Variants in PER2 observed in about 807,000 individuals in gnomAD.
PER2 encodes the protein period circadian regulator 2.
PER2 carries 66 observed loss-of-function variants against 121.0 expected under a neutral mutation model. The ratio of observed to expected loss-of-function variants is 0.55; its 90% CI spans 0.45 to 0.67. The LOEUF (loss-of-function observed/expected upper bound fraction) is 0.67. Among genes scored for constraint, PER2 ranks in the 30% least tolerant of loss-of-function variants. The pLI, the probability that PER2 is intolerant of heterozygous loss-of-function variation, is 0.00. For missense variants in PER2, 1,521 were observed against 1,635.0 expected (o/e 0.93, Z 1.20); for synonymous variants, 684 against 659.9 (o/e 1.04, Z -0.56).
chr2:238,255,620 T>C, intron 18 of PER2, 37 bp downstream of exon 18: 2 of 1,611,500 alleles, frequency 1.2e-6, no homozygotes, highest in South Asian at 2.2e-5. Context: ...AGGAATAAAG[T>C]TTTTTAAAAC....
At chr2:238,251,829 G>C (rs572549151) in intron 19 of PER2, 68 bp from the exon 20 acceptor site, 1 of 1,001,130 alleles carries the variant, frequency 1.0e-6, no homozygotes, top group South Asian at 1.3e-5. Context: ...GCAGCGGGGT[G>C]GGGGTGGGGG....
rs770752535 is a variant in PER2 at position 238,268,221 on chromosome 2, A to G, written c.825-23T>C. 1.2e-6 allele frequency: 2 copies of G among 1,612,622 alleles called. No individual in the cohort carries two copies. The highest frequency in any genetic ancestry group is 1.1e-5 in the South Asian group (1 of 91,026). Reference sequence around the variant, plus strand: ...ACACTGCGGAGAAGAGCCACGCTCTAAGTTGGGAACTGTGACACAGGAACA... The same window carrying G: ...ACACTGCGGAGAAGAGCCACGCTCTGAGTTGGGAACTGTGACACAGGAACA... On this transcript the variant is annotated intron_variant, in intron 7 of 22. Coordinates refer to ENST00000254657, the MANE Select transcript of PER2 (RefSeq NM_022817.3). The surrounding 1 kb of genome is among the most constrained non-coding windows in gnomAD (Gnocchi z 4.0).
At chr2:238,282,475 C>A (rs1434761560) in intron 1 of PER2, among the ~76,000 whole-genome samples, 2 of 152,232 alleles carry the variant, frequency 1.3e-5, no homozygotes, top group Non-Finnish European at 2.9e-5. Flanking sequence ...GTTGAAGACA[C>A]AAACCTGGGA....
At position 238,244,241 on chromosome 2, in the gene PER2, A is replaced by G. The variant is rs972456501; in HGVS notation, c.*2134T>C. On this transcript the variant is annotated 3_prime_UTR_variant, in exon 23 of 23. Coordinates refer to ENST00000254657, the MANE Select transcript of PER2 (RefSeq NM_022817.3). Reference sequence around the variant, plus strand: ...TTACATATCTCTTCGGGAATATATTAAAAAGAAGGCTCAGTTTAAAATAGA... The same window carrying G: ...TTACATATCTCTTCGGGAATATATTGAAAAGAAGGCTCAGTTTAAAATAGA... 5.2e-5 allele frequency: 8 copies of G among 152,572 alleles called. No homozygotes were observed. The highest frequency in any genetic ancestry group is 1.9e-4 in the African/African-American group (8 of 41,454). 9.5% of individuals were successfully genotyped at this position (152,572 alleles called of 1,614,324 possible).
chr2:238,255,798 T>C lies in PER2; in HGVS notation c.2179A>G (p.Lys727Glu). ...KEPFKKLGLT[K>E]EVLAAHTQKE... The stretch of plus-strand genomic sequence containing the variant: ...TGTGTGTGTGCAGCGAGTACCTCCT[T>C]GGTGAGGCCCAGCTTCTTGAAGGGC... Residue 727 changes from lysine (K) to glutamate (E), a missense_variant, in exon 18 of 23, where the codon AAG becomes GAG. Physicochemically the swap from Lys to Glu is moderately conservative, Grantham distance 56. Coordinates refer to ENST00000254657, the MANE Select transcript of PER2 (RefSeq NM_022817.3). 2 of 1,614,144 alleles carry C rather than the reference T, an allele frequency of 1.2e-6. No individual in the cohort carries two copies. Among genetic ancestry groups the C allele is most frequent in the African/African-American group, 2.7e-5 (2 of 75,034 alleles).
chr2:238,263,563 T>TG (rs1390230523), intron 9 of PER2, among the ~76,000 whole-genome samples: 2 of 152,168 alleles, frequency 1.3e-5, no homozygotes, highest in African/African-American at 4.8e-5. Context: ...CTCTGCCCTT[T>TG]GAGCTCATGC....
rs372412927 is a variant in PER2, at chr2:238,250,641, T to C, written c.3377A>G (p.His1126Arg). 30 of 1,613,774 alleles carry C rather than the reference T, an allele frequency of 1.9e-5. No homozygotes were observed. The highest frequency in any genetic ancestry group is 2.5e-5 in the Non-Finnish European group (30 of 1,179,592). Reference sequence around the variant, plus strand: ...ATCCTGCAGGACGCACTTAATGAAATGCTCACTTTCTTCCATACCAGTGTT... The same window carrying C: ...ATCCTGCAGGACGCACTTAATGAAACGCTCACTTTCTTCCATACCAGTGTT... ...KMNTGMEESE[H>R]FIKCVLQDPI... Residue 1126 changes from histidine (H) to arginine (R), a missense_variant, in exon 21 of 23, where the codon CAT (histidine) becomes CGT (arginine). By Grantham distance (29) the His-to-Arg change is conservative. Transcript: ENST00000254657.
At chr2:238,256,126 T>G (rs1168598759) in intron 17 of PER2, among the ~76,000 whole-genome samples, 1 of 152,270 alleles carries the variant, frequency 6.6e-6, no homozygotes, top group Admixed American at 6.5e-5. Flanking sequence ...GACAGCCAGG[T>G]GCTCAGGAAC....
the PER2 span, chr2:238,298,815 A>G: frequency 6.6e-6 from 1 of 152,190 alleles, no homozygotes; most frequent in Admixed American, 6.5e-5. Flanking sequence ...GATTATGCAG[A>G]AGGGTGGTGC....
At chr2:238,255,967 G>T in intron 17 of PER2, 56 bp from the exon 18 acceptor site, 1 of 1,596,120 alleles carries the variant, frequency 6.3e-7, no homozygotes, top group Non-Finnish European at 8.6e-7. Flanking sequence ...ATTATTTTAA[G>T]GCCACACTAT....
chr2:238,288,770 C>T (rs1295121930), upstream of PER2, among the ~76,000 whole-genome samples: 1 of 151,630 alleles, frequency 6.6e-6, no homozygotes, highest in Non-Finnish European at 1.5e-5. Context: ...CCGCCTCCGC[C>T]GCGGCCGAGT....
At chr2:238,273,827 C>T (rs1317293929) in intron 4 of PER2, among the ~76,000 whole-genome samples, 1 of 152,178 alleles carries the variant, frequency 6.6e-6, no homozygotes, top group Non-Finnish European at 1.5e-5. Context: ...GCCACCACGC[C>T]CAGCTAATTT....
At chr2:238,246,824 G>A (rs200682884) in intron 22 of PER2, among the ~76,000 whole-genome samples, 8 of 152,146 alleles carry the variant, frequency 5.3e-5, no homozygotes, top group Middle Eastern at 3.2e-3. Context: ...TGCAGTGAGC[G>A]GAGATCACGC....
upstream of PER2, chr2:238,289,311 A>G (rs1470573467): frequency 6.6e-6 from 1 of 152,128 alleles, no homozygotes; most frequent in Non-Finnish European, 1.5e-5. Flanking sequence ...TCACTCACTC[A>G]TTCATCGCGG....
At position 238,277,896 on chromosome 2, in the gene PER2, G is replaced by C; in HGVS notation, c.41C>G (p.Pro14Arg). The change falls in exon 2 of 23, where the codon CCC becomes CGC. Residue 14 changes from proline to arginine, a missense_variant. Coordinates refer to ENST00000254657, the MANE Select transcript of PER2 (RefSeq NM_022817.3). ...CTGGGGCTCCACGGGCTCCTTGGTG[G>C]GGTTACTGGGGCTGGGCGGAAATTC... The part of the protein sequence containing the change: ...YAEFPPSPSN[P>R]TKEPVEPQPS... The C allele has an allele frequency of 6.2e-7, 1 of 1,614,046 alleles. No individual in the cohort carries two copies. Among genetic ancestry groups the C allele is most frequent in the Non-Finnish European group, 8.5e-7 (1 of 1,180,036 alleles).
In PER2 at chr2:238,257,060, T is replaced by C. The variant is rs374342513; in HGVS notation, c.1927A>G (p.Ser643Gly). ...AGGTGCGTACCTACTCCCGTGCGGC[T>C]GTTCACCCTGGAGGGCGGCTCTGCC... Reference protein sequence around the residue: ...GEAEPPSRVNSRTGVGTHLTS... With the variant: ...GEAEPPSRVNGRTGVGTHLTS... Residue 643 changes from serine (S) to glycine (G), a missense_variant, in exon 17 of 23, where the codon AGC becomes GGC. Physicochemically the swap from Ser to Gly is moderately conservative, Grantham distance 56. Coordinates refer to ENST00000254657, the MANE Select transcript of PER2 (RefSeq NM_022817.3). The C allele has an allele frequency of 1.2e-6, 2 of 1,613,080 alleles. No individual in the cohort carries two copies. The highest frequency in any genetic ancestry group is 1.7e-6 in the Non-Finnish European group (2 of 1,179,946).
At position 238,253,411 on chromosome 2, in the gene PER2, G is replaced by A; in HGVS notation, c.2612C>T (p.Pro871Leu). 1 of 1,609,946 alleles carries A rather than the reference G, an allele frequency of 6.2e-7. No individual in the cohort carries two copies. The highest frequency in any genetic ancestry group is 8.5e-7 in the Non-Finnish European group (1 of 1,177,020). Residue 871 changes from proline (P) to leucine (L), a missense_variant, in exon 19 of 23, where the codon CCT becomes CTT. Transcript: ENST00000254657. The surrounding 1 kb of genome is among the most constrained non-coding windows in gnomAD (Gnocchi z 5.6). Reference protein sequence around the residue: ...APGTVAAPPAPPHASFTVPAV... With the variant: ...APGTVAAPPALPHASFTVPAV... ...AGGCACTGTGAAGCTGGCGTGGGGA[G>A]GTGCCGGGGGTGCTGCCACAGTCCC...
the PER2 span, chr2:238,298,655 A>G: frequency 6.6e-6 from 1 of 152,380 alleles, no homozygotes; most frequent in Admixed American, 6.5e-5. Flanking sequence ...GTCCTTTTAC[A>G]GAAAAAGTTT....
intron 1 of PER2, among the ~76,000 whole-genome samples, chr2:238,279,349 G>T (rs79065998): frequency 6.4e-4 from 98 of 152,232 alleles, no homozygotes; most frequent in African/African-American, 2.1e-3. Context: ...TCTGGATCAC[G>T]GTCTACATGG....
Sources: gnomAD v4.1 joint callset for allele counts (sites outside exome capture counted in the v4.1 genomes callset) on GRCh38, gnomAD v4.1.1 for gene constraint, Gnocchi (gnomAD v3.1) non-coding constraint, MANE v1.5 for transcripts, NCBI Gene and HGNC (gene_info 2026-07-23, HGNC 2026-07-21) for gene names.